Variants in ITPRID2 observed in about 807,000 individuals in gnomAD.
The protein encoded by ITPRID2 is protein ITPRID2.
Under a neutral mutation model 124.3 loss-of-function variants are expected in ITPRID2, and 60 were observed. The observed-to-expected ratio is 0.48, with a 90% confidence interval of 0.39 to 0.60. The LOEUF (loss-of-function observed/expected upper bound fraction) is 0.60. ITPRID2 is among the 20% of genes least tolerant of loss of function. The pLI, the probability that ITPRID2 is intolerant of heterozygous loss-of-function variation, is 0.00. For synonymous variants in ITPRID2, 521 were observed against 542.9 expected, an observed-to-expected ratio of 0.96 and a Z score of 0.56; for missense variants, 1,553 against 1,512.2, an observed-to-expected ratio of 1.03 and a Z score of -0.45.
rs1692728182 is a variant in ITPRID2 at position 181,902,256 on chromosome 2, T to G, written c.1203T>G (p.Ser401Arg). 1 of 1,613,064 alleles carries G rather than the reference T, an allele frequency of 6.2e-7. No homozygotes were observed. The highest frequency in any genetic ancestry group is 1.3e-5 in the African/African-American group (1 of 74,976). Reference sequence around the variant, plus strand: ...ATGAACAAAGTAAAGAAACTCAAAGTCATGAGAGTAAACTGGGTGAGGAAT... The same window carrying G: ...ATGAACAAAGTAAAGAAACTCAAAGGCATGAGAGTAAACTGGGTGAGGAAT... ...TENEQSKETQ[S>R]HESKLGEESG... Residue 401 changes from serine (S) to arginine (R), a missense_variant, in exon 8 of 18, where the codon AGT becomes AGG. Coordinates refer to ENST00000431877, the MANE Select transcript of ITPRID2 (RefSeq NM_001130445.3). This position sits in a 1 kb window ranked among gnomAD's most constrained non-coding sequence, Gnocchi z 4.4.
At chr2:181,921,815 T>G in intron 15 of ITPRID2, 133 bp from the exon 16 acceptor site, 1 of 814,602 alleles carries the variant, frequency 1.2e-6, no homozygotes, top group Non-Finnish European at 1.9e-6. Flanking sequence ...GAGTAGTTAT[T>G]AAATTAATGG....
Position 181,929,730 on chromosome 2 carries a change from T to C in ITPRID2, c.*183T>C. ...TTTTAAAAAGACGTACATAGAAACTTAGGCACTTTGCTATTTCTTTTCTAA... is the reference window on the plus strand; with the variant it reads ...TTTTAAAAAGACGTACATAGAAACTCAGGCACTTTGCTATTTCTTTTCTAA... On this transcript the variant is annotated 3_prime_UTR_variant, in exon 18 of 18. Transcript: ENST00000431877. 9.9e-7 allele frequency: 1 copy of C among 1,006,864 alleles called. No individual in the cohort carries two copies. The highest frequency in any genetic ancestry group is 1.4e-6 in the Non-Finnish European group (1 of 704,220). The allele number at this position is 1,006,864 out of a possible 1,614,324, so 62.4% of individuals were successfully genotyped here.
intron 11 of ITPRID2, chr2:181,917,341 TATA>T: frequency 6.6e-6 from 1 of 152,232 alleles, no homozygotes; most frequent in Non-Finnish European, 1.5e-5. Context: ...CTTCTCAAGT[TATA>T]ATAAGATATA....
chr2:181,898,954 A>C, intron 5 of ITPRID2, 35 bp downstream of exon 5: 6 of 1,600,534 alleles, frequency 3.7e-6, no homozygotes, highest in Non-Finnish European at 5.1e-6. Flanking sequence ...CTTTTAAAAA[A>C]TGAAGACCTT....
Position 181,916,020 on chromosome 2 carries a change from T to C in ITPRID2, c.2380T>C (p.Ser794Pro), listed in dbSNP as rs1294733022. Residue 794 changes from serine to proline, a missense_variant, in exon 11 of 18, where the codon TCT (serine) becomes CCT (proline). Coordinates refer to ENST00000431877, the MANE Select transcript of ITPRID2 (RefSeq NM_001130445.3). ...GCGGGTGATGGAACATGATGGTCAGTCTTTAGTTAAATCGACCATTTTCAT... is the reference window on the plus strand; with the variant it reads ...GCGGGTGATGGAACATGATGGTCAGCCTTTAGTTAAATCGACCATTTTCAT... ...EKRVMEHDGQ[S>P]LVKSTIFISP... 1 of 1,614,144 alleles carries C rather than the reference T, an allele frequency of 6.2e-7. No homozygotes were observed. The highest frequency in any genetic ancestry group is 8.5e-7 in the Non-Finnish European group (1 of 1,180,014).
intron 10 of ITPRID2, among the ~76,000 whole-genome samples, chr2:181,914,142 T>C (rs537727143): frequency 1.6e-4 from 25 of 152,340 alleles, no homozygotes; most frequent in South Asian, 6.2e-4. Flanking sequence ...TTTAAAAATA[T>C]CTATCTTCCC....
Position 181,918,685 on chromosome 2 carries a change from T to G in ITPRID2, c.2865+10T>G. ...TCTACCTCTTTATGAAGTAAGTTCT[T>G]TCTTACATCTTTGTGTTCCAAAATA... On this transcript the variant is annotated intron_variant, in intron 12 of 17. Coordinates refer to ENST00000431877, the MANE Select transcript of ITPRID2 (RefSeq NM_001130445.3). 1 of 1,613,894 alleles carries G rather than the reference T, an allele frequency of 6.2e-7. No individual in the cohort carries two copies. The highest frequency in any genetic ancestry group is 8.5e-7 in the Non-Finnish European group (1 of 1,179,856).
At position 181,919,241 on chromosome 2, in the gene ITPRID2, T is replaced by A; in HGVS notation, c.2994-55T>A. The A allele has an allele frequency of 6.3e-7, 1 of 1,595,990 alleles. No homozygotes were observed. Among genetic ancestry groups the A allele is most frequent in the Non-Finnish European group, 8.5e-7 (1 of 1,170,058 alleles). Reference sequence around the variant, plus strand: ...ATAGTAGTTGTTGAAAGATTTGTGATTAGGAATCTCCAAACTGCATTTTTC... The same window carrying A: ...ATAGTAGTTGTTGAAAGATTTGTGAATAGGAATCTCCAAACTGCATTTTTC... On this transcript the variant is annotated intron_variant, in intron 13 of 17. Transcript: ENST00000431877. The surrounding 1 kb of genome is among the most constrained non-coding windows in gnomAD (Gnocchi z 4.2).
At chr2:181,909,437 C>T (rs1452087228) in intron 8 of ITPRID2, among the ~76,000 whole-genome samples, 1 of 152,152 alleles carries the variant, frequency 6.6e-6, no homozygotes, top group Non-Finnish European at 1.5e-5. Context: ...GGGATTTACC[C>T]TACTTTGAAG....
intron 11 of ITPRID2, chr2:181,916,833 C>G: frequency 1.0e-6 from 1 of 1,002,372 alleles, no homozygotes. Flanking sequence ...TTTTCCTTTT[C>G]CAAGTTTTCT....
At chr2:181,926,009 C>T (rs1355662606) in intron 16 of ITPRID2, among the ~76,000 whole-genome samples, 2 of 152,090 alleles carry the variant, frequency 1.3e-5, no homozygotes, top group African/African-American at 4.8e-5. Flanking sequence ...TGTGGTGGCT[C>T]ACGCCTGTAA....
At chr2:181,901,282 G>A (rs1034155153) in intron 7 of ITPRID2, among the ~76,000 whole-genome samples, 3 of 152,088 alleles carry the variant, frequency 2.0e-5, no homozygotes, top group Admixed American at 2.0e-4. Context: ...TCATATCTTT[G>A]CTTGTTTTCT....
intron 8 of ITPRID2, among the ~76,000 whole-genome samples, chr2:181,908,845 A>G (rs1693367459): frequency 6.6e-6 from 1 of 151,964 alleles, no homozygotes; most frequent in African/African-American, 2.4e-5. Context: ...TGTGTTAACT[A>G]TTAGCGCTTT....
In ITPRID2 at chr2:181,918,768, A is replaced by G. The variant is rs765974674; in HGVS notation, c.2879A>G (p.Glu960Gly). Reference protein sequence around the residue: ...VLPLYENTFQELQVMRRSLNL... With the variant: ...VLPLYENTFQGLQVMRRSLNL... ...ATTGCATTCTAGAATACTTTTCAGG[A>G]GCTCCAGGTAATGAGGCGGAGCCTG... is the stretch of plus-strand genomic sequence containing the variant. Residue 960 changes from glutamate (E) to glycine (G), a missense_variant, in exon 13 of 18, where the codon GAG becomes GGG. Physicochemically the swap from Glu to Gly is moderately conservative, Grantham distance 98 (BLOSUM62 -2). Coordinates refer to ENST00000431877, the MANE Select transcript of ITPRID2 (RefSeq NM_001130445.3). The G allele has an allele frequency of 6.2e-7, 1 of 1,613,944 alleles. No individual in the cohort carries two copies. The highest frequency in any genetic ancestry group is 8.5e-7 in the Non-Finnish European group (1 of 1,179,964).
In ITPRID2 at chr2:181,920,675, C is replaced by A; in HGVS notation, c.3210+13C>A. On this transcript the variant is annotated intron_variant, in intron 15 of 17. Coordinates refer to ENST00000431877, the MANE Select transcript of ITPRID2 (RefSeq NM_001130445.3). ...TGTAATGGAACCAGTAAGCTTCTTT[C>A]CTCTTAAATCACTGGGGAAGGGAAT... The A allele has an allele frequency of 6.2e-7, 1 of 1,602,742 alleles. No individual in the cohort carries two copies. The highest frequency in any genetic ancestry group is 8.5e-7 in the Non-Finnish European group (1 of 1,170,152).
At chr2:181,911,826 C>T (rs756592641) in intron 9 of ITPRID2, among the ~76,000 whole-genome samples, 36 of 152,150 alleles carry the variant, frequency 2.4e-4, no homozygotes, top group Non-Finnish European at 4.4e-4. Context: ...TCTCGTTTTG[C>T]AGAGGAGAGA....
chr2:181,897,701 T>TA (rs901432438), intron 4 of ITPRID2, among the ~76,000 whole-genome samples: 9 of 151,762 alleles, frequency 5.9e-5, no homozygotes, highest in East Asian at 1.9e-4. Flanking sequence ...TGTACTTTTT[T>TA]AAAAAAAACA....
intron 9 of ITPRID2, among the ~76,000 whole-genome samples, chr2:181,912,039 G>C (rs1179979169): frequency 6.6e-6 from 1 of 152,202 alleles, no homozygotes. Flanking sequence ...TTAGCAGAGA[G>C]AACCAGTCAG....
Position 181,892,692 on chromosome 2 carries a change from G to A in ITPRID2, c.257+32G>A. 6.2e-7 allele frequency: 1 copy of A among 1,613,652 alleles called. No homozygotes were observed. The highest frequency in any genetic ancestry group is 8.5e-7 in the Non-Finnish European group (1 of 1,179,810). The stretch of plus-strand genomic sequence containing the variant: ...GCTCCCTGGTCCGCCCGCGTCCCGG[G>A]GGAGATCCGTGCGGACGGGACGCCG... On this transcript the variant is annotated intron_variant, in intron 2 of 17. Coordinates refer to ENST00000431877, the MANE Select transcript of ITPRID2 (RefSeq NM_001130445.3). The surrounding 1 kb of genome is among the most constrained non-coding windows in gnomAD (Gnocchi z 5.2).
Sources: gnomAD v4.1 joint callset for allele counts (sites outside exome capture counted in the v4.1 genomes callset) on GRCh38, gnomAD v4.1.1 for gene constraint, Gnocchi (gnomAD v3.1) non-coding constraint, MANE v1.5 for transcripts, NCBI Gene and HGNC (gene_info 2026-07-23, HGNC 2026-07-21) for gene names.